The following GYPC variants were observed in gnomAD, a reference collection of about 807,000 sequenced individuals.
GYPC encodes the protein glycophorin-C.
Under a neutral mutation model 12.6 loss-of-function variants are expected in GYPC, and 14 were observed. That is an observed-to-expected ratio of 1.11 (90% CI 0.74 to 1.74). The LOEUF (loss-of-function observed/expected upper bound fraction) is 1.74. GYPC is among the 40% of genes most tolerant of loss of function. The pLI, the probability that GYPC is intolerant of heterozygous loss-of-function variation, is 0.00. For missense variants in GYPC, 225 were observed against 172.1 expected (o/e 1.31, Z -1.72); for synonymous variants, 78 against 62.1 (o/e 1.26, Z -1.20).
chr2:126,670,058 C>T (rs1345479397), intron 1 of GYPC, among the ~76,000 whole-genome samples: 1 of 152,152 alleles, frequency 6.6e-6, no homozygotes, highest in Non-Finnish European at 1.5e-5. Context: ...CCTGAGAGCC[C>T]CAGTGGTTCT....
intron 1 of GYPC, chr2:126,686,232 C>A (rs767562016): frequency 1.2e-4 from 117 of 985,540 alleles, no homozygotes; most frequent in Non-Finnish European, 1.3e-4. Context: ...TCTCCGTCCA[C>A]ATCTGAAAAA....
chr2:126,659,981 T>C (rs1422838908), intron 1 of GYPC, among the ~76,000 whole-genome samples: 3 of 152,186 alleles, frequency 2.0e-5, no homozygotes, highest in East Asian at 1.9e-4. Flanking sequence ...GTAGAGACTT[T>C]CGGATGAAAC....
chr2:126,684,554 C>A (rs1033120611), intron 1 of GYPC, among the ~76,000 whole-genome samples: 1 of 152,174 alleles, frequency 6.6e-6, no homozygotes, highest in African/African-American at 2.4e-5. Context: ...CTTCAGGAAG[C>A]CTTTCCTGAG....
At chr2:126,668,024 C>T (rs766107273) in intron 1 of GYPC, among the ~76,000 whole-genome samples, 2 of 152,164 alleles carry the variant, frequency 1.3e-5, no homozygotes, top group Non-Finnish European at 2.9e-5. Flanking sequence ...CAGCAGACTG[C>T]TTGCTGCACC....
chr2:126,668,892 A>G (rs1193685896), intron 1 of GYPC, among the ~76,000 whole-genome samples: 2 of 152,202 alleles, frequency 1.3e-5, no homozygotes, highest in Non-Finnish European at 2.9e-5. Flanking sequence ...AAAAGCATCC[A>G]GTCTTCCTGG....
rs1440123818 is a variant in GYPC at position 126,695,835 on chromosome 2, T to C, written c.191-111T>C. 3.7e-6 allele frequency: 3 copies of C among 819,210 alleles called. No homozygotes were observed. In the Admixed American group the frequency reaches 5.2e-5, roughly 14 times the overall value. The allele number at this position is 819,210 out of a possible 1,614,324, so 50.7% of individuals were successfully genotyped here. A position where few individuals can be genotyped will look rare whatever the true frequency, so the allele number is the denominator to read the frequency against. The stretch of plus-strand genomic sequence containing the variant: ...CATCATAAATCAAGGAGCATCTCTT[T>C]TGGTTGTGGCATTGTATCTGTCCTC... On this transcript the variant is annotated intron_variant, in intron 3 of 3. Coordinates refer to ENST00000259254, the MANE Select transcript of GYPC (RefSeq NM_002101.5).
chr2:126,663,996 CT>C, intron 1 of GYPC, among the ~76,000 whole-genome samples: 1 of 123,212 alleles, frequency 8.1e-6, no homozygotes, highest in Admixed American at 8.1e-5. Flanking sequence ...CTCTCTCTCT[CT>C]CTCTGGAGAA....
intron 1 of GYPC, among the ~76,000 whole-genome samples, chr2:126,659,938 C>T (rs1236869459): frequency 3.9e-5 from 6 of 152,122 alleles, no homozygotes; most frequent in Non-Finnish European, 7.4e-5. Flanking sequence ...TACCGGCATA[C>T]GCCACCACAC....
In GYPC at chr2:126,693,932, A is replaced by G. The variant is rs747265483; in HGVS notation, c.175A>G (p.Ile59Val). Residue 59 changes from isoleucine (I) to valine (V), a missense_variant, in exon 3 of 4, where the codon ATT becomes GTT. Transcript: ENST00000259254. ...METSTPTIMDIVVIAGVIAAV... is the reference protein window; with the variant it reads ...METSTPTIMDVVVIAGVIAAV... ...GACCTCCACCCCCACCATAATGGAC[A>G]TTGTCGTCATTGCAGGTGAGCTCTC... The G allele has an allele frequency of 3.1e-6, 5 of 1,608,188 alleles. No individual in the cohort carries two copies. The highest frequency in any genetic ancestry group is 4.3e-6 in the Non-Finnish European group (5 of 1,174,654).
At chr2:126,695,737 G>A (rs553203041) in intron 3 of GYPC, among the ~76,000 whole-genome samples, 123 of 152,346 alleles carry the variant, frequency 8.1e-4, no homozygotes, top group African/African-American at 2.7e-3. Flanking sequence ...ATGCTCAGTA[G>A]GTTTGGAGTA....
At chr2:126,678,466 G>C (rs1683070269) in intron 1 of GYPC, 2 of 152,232 alleles carry the variant, frequency 1.3e-5, no homozygotes, top group South Asian at 4.2e-4. Flanking sequence ...CTGAGCCTGT[G>C]TGCCTCTGGC....
chr2:126,686,632 G>C (rs1270295370), intron 1 of GYPC: 5 of 983,808 alleles, frequency 5.1e-6, no homozygotes, highest in Non-Finnish European at 6.0e-6. Context: ...TGAACGTGTG[G>C]AGCTTCCTGT....
At chr2:126,687,565 C>A (rs1183845749) in intron 1 of GYPC, among the ~76,000 whole-genome samples, 2 of 152,220 alleles carry the variant, frequency 1.3e-5, no homozygotes, top group Non-Finnish European at 2.9e-5. Context: ...TGTCACTCCC[C>A]TGGAGTCTGT....
chr2:126,678,999 T>A (rs1683088068), intron 1 of GYPC: 1 of 152,220 alleles, frequency 6.6e-6, no homozygotes, highest in Admixed American at 6.5e-5. Context: ...TAACAAAGCG[T>A]ACCTAACTAA....
intron 1 of GYPC, among the ~76,000 whole-genome samples, chr2:126,676,216 G>A (rs145199986): frequency 9.1e-4 from 139 of 152,358 alleles, no homozygotes; most frequent in African/African-American, 3.1e-3. Flanking sequence ...TAGCACACCA[G>A]TCTGACAGAA....
intron 1 of GYPC, among the ~76,000 whole-genome samples, chr2:126,674,004 G>C (rs1682923473): frequency 6.6e-6 from 1 of 152,182 alleles, no homozygotes; most frequent in Non-Finnish European, 1.5e-5. Flanking sequence ...TCTCTGAATA[G>C]AAAGTAAGAC....
At chr2:126,683,116 G>A (rs1335961493) in intron 1 of GYPC, among the ~76,000 whole-genome samples, 6 of 152,256 alleles carry the variant, frequency 3.9e-5, no homozygotes, top group East Asian at 1.9e-4. Flanking sequence ...TCAGGAGTTC[G>A]AGACCAGCCT....
chr2:126,659,864 C>T (rs1682485109), intron 1 of GYPC, among the ~76,000 whole-genome samples: 1 of 151,420 alleles, frequency 6.6e-6, no homozygotes. Context: ...TCATTGCACC[C>T]TCCACCTCCT....
chr2:126,691,138 C>T (rs1447987683), intron 2 of GYPC, among the ~76,000 whole-genome samples: 6 of 152,188 alleles, frequency 3.9e-5, no homozygotes, highest in Non-Finnish European at 7.4e-5. Flanking sequence ...AAAGGTGGGA[C>T]TTGGGAGCAG....
Sources: allele counts gnomAD v4.1 joint callset (sites outside exome capture counted in the v4.1 genomes callset), GRCh38; gene constraint gnomAD v4.1.1; transcripts MANE v1.5; gene names NCBI Gene and HGNC (gene_info 2026-07-23, HGNC 2026-07-21).